Variants in LCLAT1 observed in about 807,000 individuals in gnomAD.
LCLAT1 encodes 1-AGP acyltransferase 8.
LCLAT1 carries 11 observed loss-of-function variants against 30.7 expected under a neutral mutation model. The ratio of observed to expected loss-of-function variants is 0.36; its 90% CI spans 0.23 to 0.59. The LOEUF (loss-of-function observed/expected upper bound fraction) is 0.59, where lower values mean the gene tolerates loss of function less well. LCLAT1 is among the 20% of genes least tolerant of loss of function. The pLI is 0.77. For synonymous variants in LCLAT1, 155 were observed against 151.3 expected (o/e 1.02, Z -0.18); for missense variants, 402 against 458.6 (o/e 0.88, Z 1.13).
chr2:30,575,477 T>C (rs1484108981), intron 5 of LCLAT1, among the ~76,000 whole-genome samples: 1 of 152,146 alleles, frequency 6.6e-6, no homozygotes, highest in Non-Finnish European at 1.5e-5. Context: ...CCCACCCCCT[T>C]CAGTCTAGTG....
chr2:30,489,080 A>G (rs967556352), intron 1 of LCLAT1: 2 of 152,160 alleles, frequency 1.3e-5, no homozygotes, highest in African/African-American at 4.8e-5. Flanking sequence ...TGCGACTTAG[A>G]CTATAGATCT....
At chr2:30,598,452 T>G (rs1667030785) in intron 5 of LCLAT1, among the ~76,000 whole-genome samples, 1 of 151,850 alleles carries the variant, frequency 6.6e-6, no homozygotes. Flanking sequence ...GTTTATAGTA[T>G]TCTCTGATGG....
At chr2:30,481,690 T>C (rs1192520928) in intron 1 of LCLAT1, among the ~76,000 whole-genome samples, 8 of 152,092 alleles carry the variant, frequency 5.3e-5, no homozygotes, top group Admixed American at 2.6e-4. Flanking sequence ...AGTGGAATGG[T>C]AGAGGCAGAA....
rs560118951 is a variant in LCLAT1 at position 30,592,934 on chromosome 2, ATAATTCTTGCCT to A, written c.628+24760_628+24771del. On this transcript the variant is annotated intron_variant, in intron 5 of 5. Coordinates refer to ENST00000379509, the MANE Select transcript of LCLAT1 (RefSeq NM_001002257.3). ...CTTTTCACATTAGAAACATTTATTAATAATTCTTGCCTTCTAGCTATTTTAAATATATGCAAT... is the reference window on the plus strand; with the variant it reads ...CTTTTCACATTAGAAACATTTATTAATCTAGCTATTTTAAATATATGCAAT... Among the ~76,000 whole-genome samples, 9 of 152,346 alleles carry A rather than the reference ATAATTCTTGCCT, an allele frequency of 5.9e-5. No individual in the cohort carries two copies. In the East Asian group the frequency reaches 1.7e-3, roughly 29 times the overall value.
intron 1 of LCLAT1, among the ~76,000 whole-genome samples, chr2:30,497,794 C>T (rs1684190453): frequency 1.3e-5 from 2 of 152,068 alleles, no homozygotes; most frequent in East Asian, 1.9e-4. Flanking sequence ...CTCATTTCAG[C>T]GATGCCAATA....
chr2:30,586,257 A>G (rs1558537116), intron 5 of LCLAT1, among the ~76,000 whole-genome samples: 1 of 151,726 alleles, frequency 6.6e-6, no homozygotes, highest in East Asian at 1.9e-4. Flanking sequence ...AAAAAAAAAA[A>G]AAAAACCCAG....
chr2:30,452,452 C>T (rs572290363), intron 1 of LCLAT1, among the ~76,000 whole-genome samples: 8 of 151,722 alleles, frequency 5.3e-5, no homozygotes, highest in Non-Finnish European at 7.4e-5. Context: ...AAATTAAGGC[C>T]GTCACATCAT....
intron 1 of LCLAT1, among the ~76,000 whole-genome samples, chr2:30,496,213 C>T (rs899474400): frequency 6.6e-6 from 1 of 152,208 alleles, no homozygotes; most frequent in African/African-American, 2.4e-5. Flanking sequence ...GATCCAGTCA[C>T]CTCCCACCAG....
At chr2:30,496,927 A>G (rs957799564) in intron 1 of LCLAT1, among the ~76,000 whole-genome samples, 4 of 152,110 alleles carry the variant, frequency 2.6e-5, no homozygotes, top group Non-Finnish European at 5.9e-5. Context: ...TACTGTTATT[A>G]TTTCTGGCCT....
At chr2:30,497,191 T>C (rs1440165128) in intron 1 of LCLAT1, among the ~76,000 whole-genome samples, 1 of 152,232 alleles carries the variant, frequency 6.6e-6, no homozygotes, top group African/African-American at 2.4e-5. Flanking sequence ...GTAAACACAA[T>C]ACAAGGCAAC....
intron 1 of LCLAT1, among the ~76,000 whole-genome samples, chr2:30,519,807 CT>C (rs1376734233): frequency 6.6e-6 from 1 of 152,164 alleles, no homozygotes; most frequent in Non-Finnish European, 1.5e-5. Flanking sequence ...TTTGGTTTCA[CT>C]CTGTTAAATC....
chr2:30,576,713 C>T (rs1481136309), intron 5 of LCLAT1, among the ~76,000 whole-genome samples: 1 of 151,812 alleles, frequency 6.6e-6, no homozygotes. Flanking sequence ...AAAAGGTTTA[C>T]CTTGTTTCTT....
At chr2:30,551,091 G>A (rs997705374) in intron 3 of LCLAT1, among the ~76,000 whole-genome samples, 4 of 152,068 alleles carry the variant, frequency 2.6e-5, no homozygotes, top group Non-Finnish European at 4.4e-5. Flanking sequence ...CAATCCTTCC[G>A]CCTCAGCCTC....
chr2:30,611,923 G>A (rs545709270), intron 5 of LCLAT1, among the ~76,000 whole-genome samples: 61 of 152,246 alleles, frequency 4.0e-4, no homozygotes, highest in Middle Eastern at 6.8e-3. Flanking sequence ...TTTCAGAGCC[G>A]TGTCTGCACT....
chr2:30,497,797 T>A (rs879510985), intron 1 of LCLAT1, among the ~76,000 whole-genome samples: 6 of 152,234 alleles, frequency 3.9e-5, no homozygotes, highest in Non-Finnish European at 7.3e-5. Flanking sequence ...ATTTCAGCGA[T>A]GCCAATAACT....
intron 3 of LCLAT1, among the ~76,000 whole-genome samples, chr2:30,546,886 C>T (rs1664440007): frequency 6.6e-6 from 1 of 151,906 alleles, no homozygotes; most frequent in Non-Finnish European, 1.5e-5. Flanking sequence ...TTCATGCTGC[C>T]CTCCTGCTCA....
chr2:30,558,713 G>A (rs972650382), intron 3 of LCLAT1, among the ~76,000 whole-genome samples: 12 of 151,996 alleles, frequency 7.9e-5, no homozygotes, highest in African/African-American at 1.2e-4. Context: ...ATTAAGTGTC[G>A]GGGAAAATAT....
intron 5 of LCLAT1, among the ~76,000 whole-genome samples, chr2:30,632,947 A>G (rs998480007): frequency 3.9e-5 from 6 of 152,228 alleles, no homozygotes; most frequent in Admixed American, 3.9e-4. Flanking sequence ...TTTGAGCCTT[A>G]ATACCAGTTG....
At chr2:30,569,103 C>T (rs1013269733) in intron 5 of LCLAT1, among the ~76,000 whole-genome samples, 1 of 152,086 alleles carries the variant, frequency 6.6e-6, no homozygotes, top group Non-Finnish European at 1.5e-5. Flanking sequence ...GCATCCAGTG[C>T]GGTAAGTACA....
Sources: gnomAD v4.1 joint callset for allele counts (sites outside exome capture counted in the v4.1 genomes callset) on GRCh38, gnomAD v4.1.1 for gene constraint, MANE v1.5 for transcripts, NCBI Gene and HGNC (gene_info 2026-07-23, HGNC 2026-07-21) for gene names.